ATOSA: variants seen among roughly 807,000 people sequenced by gnomAD.
The protein encoded by ATOSA is atos homolog protein A.
the ATOSA span, among the ~76,000 whole-genome samples, chr15:52,618,047 C>CT: frequency 0.9 from 133,351 of 148,892 alleles, 59,770 homozygotes; most frequent in East Asian, 1. Context: ...TCAATTTTTC[C>CT]TTTTTTTTTG....
At chr15:52,587,505 G>T in the ATOSA span, 1 of 221,968 alleles carries the variant, frequency 4.5e-6, no homozygotes, top group Non-Finnish European at 8.8e-6. Flanking sequence ...AACTAAAAAG[G>T]AAATAAAGGA....
At chr15:52,587,544 G>C in the ATOSA span, 1 of 168,080 alleles carries the variant, frequency 5.9e-6, no homozygotes, top group Non-Finnish European at 1.3e-5. Flanking sequence ...CATGTATCTT[G>C]AGGGAGAGGG....
the ATOSA span, among the ~76,000 whole-genome samples, chr15:52,635,152 A>C: frequency 2.6e-5 from 4 of 152,230 alleles, no homozygotes; most frequent in Non-Finnish European, 4.4e-5. Flanking sequence ...TGTACGAAGC[A>C]AAGACCAATG....
chr15:52,600,776 A>T, the ATOSA span, among the ~76,000 whole-genome samples: 2 of 151,848 alleles, frequency 1.3e-5, no homozygotes, highest in Admixed American at 6.6e-5. Flanking sequence ...CCAACACGGA[A>T]AAAAATGGCC....
the ATOSA span, among the ~76,000 whole-genome samples, chr15:52,664,021 G>A: frequency 1.3e-5 from 2 of 152,150 alleles, no homozygotes; most frequent in African/African-American, 4.8e-5. Flanking sequence ...ATCCAGAGCA[G>A]GCATAAGTTT....
the ATOSA span, chr15:52,584,782 T>G: frequency 3.1e-6 from 5 of 1,613,748 alleles, no homozygotes; most frequent in Admixed American, 1.7e-5. Flanking sequence ...CGTTCTTCTG[T>G]GTGTCGGATG....
At chr15:52,643,598 T>A in the ATOSA span, among the ~76,000 whole-genome samples, 1 of 152,034 alleles carries the variant, frequency 6.6e-6, no homozygotes, top group Non-Finnish European at 1.5e-5. Flanking sequence ...CTCTTTTTTT[T>A]TTTTTTTGGA....
chr15:52,609,387 G>A, the ATOSA span: 4 of 1,613,882 alleles, frequency 2.5e-6, no homozygotes, highest in South Asian at 1.1e-5. Flanking sequence ...AGTCATGCAT[G>A]TTGAATGACT....
chr15:52,654,015 T>C, the ATOSA span, among the ~76,000 whole-genome samples: 3 of 152,208 alleles, frequency 2.0e-5, no homozygotes, highest in African/African-American at 4.8e-5. Context: ...AATTTAAAAA[T>C]TTTTTGGATT....
the ATOSA span, among the ~76,000 whole-genome samples, chr15:52,683,134 G>A: frequency 3.3e-4 from 50 of 152,146 alleles, no homozygotes; most frequent in Admixed American, 2.0e-3. Context: ...GGAGGTCTCC[G>A]ACCCACCAAG....
the ATOSA span, chr15:52,649,850 G>A: frequency 6.6e-6 from 1 of 152,096 alleles, no homozygotes; most frequent in African/African-American, 2.4e-5. Flanking sequence ...TAGGTGCTAA[G>A]CCCAGCAATA....
At chr15:52,609,085 G>A in the ATOSA span, 1 of 1,613,418 alleles carries the variant, frequency 6.2e-7, no homozygotes, top group African/African-American at 1.3e-5. Flanking sequence ...AATTGAGGAA[G>A]TTGATAAACT....
chr15:52,682,280 C>CA, the ATOSA span, among the ~76,000 whole-genome samples: 215 of 142,524 alleles, frequency 1.5e-3, no homozygotes, highest in Middle Eastern at 3.6e-3. Flanking sequence ...GTTCTCCCCT[C>CA]AAAAAAAAAA....
chr15:52,612,368 T>C, the ATOSA span, among the ~76,000 whole-genome samples: 1 of 152,198 alleles, frequency 6.6e-6, no homozygotes, highest in Non-Finnish European at 1.5e-5. Context: ...ACATCCAATG[T>C]CTGACAGGCC....
At chr15:52,604,781 C>G in the ATOSA span, among the ~76,000 whole-genome samples, 1 of 152,016 alleles carries the variant, frequency 6.6e-6, no homozygotes. Flanking sequence ...TGAAGGGATT[C>G]CAAATCAAAA....
chr15:52,586,169 C>G, the ATOSA span: 1 of 152,180 alleles, frequency 6.6e-6, no homozygotes, highest in South Asian at 2.1e-4. Context: ...ACTGTCACTC[C>G]TTTACTTCAA....
chr15:52,652,200 C>T, the ATOSA span: 1 of 675,848 alleles, frequency 1.5e-6, no homozygotes, highest in East Asian at 3.6e-5. Context: ...GTCTTACAAA[C>T]TCAGCTGTGT....
the ATOSA span, among the ~76,000 whole-genome samples, chr15:52,687,127 C>T: frequency 5.7e-4 from 87 of 152,278 alleles, 2 homozygotes; most frequent in East Asian, 0.016. Context: ...TAATTGCGGC[C>T]GGGCGCGGTG....
At chr15:52,679,613 C>A in the ATOSA span, among the ~76,000 whole-genome samples, 1 of 152,334 alleles carries the variant, frequency 6.6e-6, no homozygotes, top group Non-Finnish European at 1.5e-5. Flanking sequence ...ACGTCCCAGG[C>A]ACTTCGGTTG....
Sources: allele counts gnomAD v4.1 joint callset (sites outside exome capture counted in the v4.1 genomes callset), GRCh38; gene constraint gnomAD v4.1.1; transcripts MANE v1.5; gene names NCBI Gene and HGNC (gene_info 2026-07-23, HGNC 2026-07-21).